Variants in CSMD1 observed in about 807,000 individuals in gnomAD.
CSMD1 encodes the protein CUB and Sushi multiple domains 1.
CSMD1 carries 213 observed loss-of-function variants against 417.5 expected under a neutral mutation model. The ratio of observed to expected loss-of-function variants is 0.51; its 90% CI spans 0.46 to 0.57. CSMD1 has a LOEUF of 0.57. Ranked by LOEUF, CSMD1 falls within the 20% of genes least tolerant of loss-of-function variation. The pLI, the probability that CSMD1 is intolerant of heterozygous loss-of-function variation, is 0.00. For missense variants in CSMD1, 6,923 were observed against 4,529.7 expected (o/e 1.53, Z -15.17); for synonymous variants, 2,862 against 1,736.8 (o/e 1.65, Z -16.11).
intron 1 of CSMD1, among the ~76,000 whole-genome samples, chr8:4,830,979 G>A (rs374659452): frequency 6.6e-6 from 1 of 152,148 alleles, no homozygotes; most frequent in South Asian, 2.1e-4. Context: ...AATCAACGAG[G>A]CATTTAGAGG....
At chr8:3,616,189 T>A (rs1258406978) in intron 8 of CSMD1, among the ~76,000 whole-genome samples, 1 of 152,188 alleles carries the variant, frequency 6.6e-6, no homozygotes, top group Non-Finnish European at 1.5e-5. Flanking sequence ...TCTGGAACTG[T>A]AGCATCCATA....
intron 5 of CSMD1, among the ~76,000 whole-genome samples, chr8:3,870,616 T>C (rs1443654540): frequency 6.6e-6 from 1 of 152,216 alleles, no homozygotes; most frequent in Non-Finnish European, 1.5e-5. Flanking sequence ...CCAATATGTT[T>C]ATGAATCTTA....
chr8:3,990,682 G>A (rs903391233), intron 5 of CSMD1, among the ~76,000 whole-genome samples: 2 of 152,192 alleles, frequency 1.3e-5, no homozygotes, highest in East Asian at 3.9e-4. Context: ...TCTAGAATTT[G>A]TGAAGAAATC....
intron 1 of CSMD1, among the ~76,000 whole-genome samples, chr8:4,910,072 C>G (rs530291270): frequency 1.2e-4 from 18 of 152,310 alleles, no homozygotes; most frequent in South Asian, 8.3e-4. Flanking sequence ...CTGTAACTCA[C>G]AAAACCAGAC....
intron 18 of CSMD1, chr8:3,375,175 G>C (rs1028586192): frequency 6.6e-6 from 1 of 152,136 alleles, no homozygotes; most frequent in Non-Finnish European, 1.5e-5. Context: ...CCAACTGCTT[G>C]CCAGGTTTCT....
intron 23 of CSMD1, among the ~76,000 whole-genome samples, chr8:3,315,146 G>C (rs987497408): frequency 1.4e-4 from 22 of 152,072 alleles, no homozygotes; most frequent in African/African-American, 5.3e-4. Flanking sequence ...ATCTCTTTAA[G>C]AATGACTCTC....
At chr8:4,699,118 A>G (rs927822739) in intron 1 of CSMD1, among the ~76,000 whole-genome samples, 78 of 152,208 alleles carry the variant, frequency 5.1e-4, no homozygotes, top group African/African-American at 1.7e-3. Context: ...TCATTACTCA[A>G]TCATTTACTT....
chr8:3,106,915 G>A (rs962061748), intron 45 of CSMD1: 2 of 301,402 alleles, frequency 6.6e-6, no homozygotes, highest in South Asian at 1.8e-4. Context: ...CCCTTCCCCA[G>A]TGATTGCTGA....
At chr8:3,971,118 G>C (rs1429686055) in intron 5 of CSMD1, among the ~76,000 whole-genome samples, 3 of 152,120 alleles carry the variant, frequency 2.0e-5, no homozygotes, top group East Asian at 3.9e-4. Flanking sequence ...ATCCAACATG[G>C]TGCTGAAATC....
At chr8:3,589,122 T>C (rs62473896) in intron 8 of CSMD1, among the ~76,000 whole-genome samples, 16,994 of 152,138 alleles carry the variant, frequency 0.11, 1,185 homozygotes, top group Non-Finnish European at 0.15. Flanking sequence ...CCCTTGTACA[T>C]TGTTGTTAGA....
At chr8:3,583,482 G>A (rs748177537) in intron 9 of CSMD1, among the ~76,000 whole-genome samples, 4 of 152,036 alleles carry the variant, frequency 2.6e-5, no homozygotes, top group Admixed American at 1.3e-4. Flanking sequence ...AAGCTTAGCA[G>A]AAGTGGTTCT....
intron 12 of CSMD1, among the ~76,000 whole-genome samples, chr8:3,431,283 G>A (rs1159392595): frequency 1.3e-5 from 2 of 152,024 alleles, no homozygotes; most frequent in Non-Finnish European, 2.9e-5. Flanking sequence ...TCACACCTGG[G>A]CCATCACTAA....
In CSMD1 at chr8:4,150,027, G is replaced by A. The variant is rs900089773; in HGVS notation, c.416-117928C>T. 3.9e-5 allele frequency among the ~76,000 whole-genome samples: 6 copies of A among 152,270 alleles called. No individual in the cohort carries two copies. The South Asian group carries it at 6.2e-4, about 16-fold the overall frequency. On this transcript the variant is annotated intron_variant, in intron 3 of 69. Coordinates refer to ENST00000635120, the MANE Select transcript of CSMD1 (RefSeq NM_033225.6). ...TGGATGCCTTTAAAATATCCTCAAC[G>A]CTGCACGTAAAAGGCACGTGTTGCT...
intron 1 of CSMD1, among the ~76,000 whole-genome samples, chr8:4,943,421 G>C (rs569975318): frequency 2.0e-5 from 3 of 151,902 alleles, no homozygotes; most frequent in Non-Finnish European, 4.4e-5. Context: ...GCGTGAACCC[G>C]GGAGGCGGAG....
intron 3 of CSMD1, among the ~76,000 whole-genome samples, chr8:4,315,007 G>A (rs544991379): frequency 5.3e-5 from 8 of 152,112 alleles, no homozygotes; most frequent in Admixed American, 2.0e-4. Flanking sequence ...GACAGCCCCA[G>A]CCTGAGAAAA....
intron 5 of CSMD1, among the ~76,000 whole-genome samples, chr8:3,965,528 G>C (rs974304831): frequency 1.3e-5 from 2 of 152,218 alleles, no homozygotes; most frequent in Non-Finnish European, 2.9e-5. Context: ...TGAAACAATA[G>C]AGCCTGAACA....
intron 68 of CSMD1, among the ~76,000 whole-genome samples, chr8:2,944,142 C>A (rs1465273181): frequency 6.6e-6 from 1 of 152,158 alleles, no homozygotes. Context: ...CACCATCACG[C>A]AAAAGGAAGA....
At chr8:3,048,682 T>A (rs1811618198) in intron 50 of CSMD1, among the ~76,000 whole-genome samples, 1 of 152,028 alleles carries the variant, frequency 6.6e-6, no homozygotes, top group South Asian at 2.1e-4. Flanking sequence ...GGTAATGACT[T>A]TGTAGATACA....
At chr8:3,520,953 C>A (rs1417616615) in intron 10 of CSMD1, among the ~76,000 whole-genome samples, 1 of 152,118 alleles carries the variant, frequency 6.6e-6, no homozygotes, top group African/African-American at 2.4e-5. Context: ...CTTTGCTCCC[C>A]TTTGTGCTCC....
Sources: allele counts gnomAD v4.1 joint callset (sites outside exome capture counted in the v4.1 genomes callset), GRCh38; gene constraint gnomAD v4.1.1; transcripts MANE v1.5; gene names NCBI Gene and HGNC (gene_info 2026-07-23, HGNC 2026-07-21).